Variants in NDUFC2 observed in about 807,000 individuals in gnomAD.
NDUFC2 encodes the protein NADH dehydrogenase [ubiquinone] 1 subunit C2.
In NDUFC2, 2 loss-of-function variants were observed where a neutral mutation model predicts 10.1. The observed-to-expected ratio is 0.20, with a 90% confidence interval of 0.08 to 0.62. The LOEUF (loss-of-function observed/expected upper bound fraction) is 0.62. Ranked by LOEUF, NDUFC2 falls within the 20% of genes least tolerant of loss-of-function variation. The pLI is 0.87. For missense variants in NDUFC2, 156 were observed against 159.6 expected (o/e 0.98, Z 0.12); for synonymous variants, 61 against 63.6 (o/e 0.96, Z 0.20).
intron 1 of NDUFC2, among the ~76,000 whole-genome samples, chr11:78,078,309 C>T (rs1200103334): frequency 6.6e-6 from 1 of 152,152 alleles, no homozygotes; most frequent in Non-Finnish European, 1.5e-5. Context: ...AAATAAATTG[C>T]CATGCTCTGC....
chr11:78,073,843 C>T (rs1457791726), intron 1 of NDUFC2, among the ~76,000 whole-genome samples: 1 of 149,634 alleles, frequency 6.7e-6, no homozygotes, highest in Non-Finnish European at 1.5e-5. Flanking sequence ...GAACAAACCG[C>T]CTTGATCCCT....
At chr11:78,070,273 C>T (rs1858946506) in intron 2 of NDUFC2, among the ~76,000 whole-genome samples, 2 of 152,178 alleles carry the variant, frequency 1.3e-5, no homozygotes, top group African/African-American at 4.8e-5. Flanking sequence ...GGGGGATCGG[C>T]TTAGGGGACC....
chr11:78,075,159 T>C (rs1459552555), intron 1 of NDUFC2, among the ~76,000 whole-genome samples: 1 of 152,192 alleles, frequency 6.6e-6, no homozygotes, highest in East Asian at 1.9e-4. Flanking sequence ...ATATTTAATT[T>C]TGTGGGCTAT....
chr11:78,074,000 T>C (rs961674451), intron 1 of NDUFC2, among the ~76,000 whole-genome samples: 2 of 151,488 alleles, frequency 1.3e-5, no homozygotes, highest in African/African-American at 4.8e-5. Flanking sequence ...GCTTCCCAAG[T>C]AGCTGGGACC....
intron 1 of NDUFC2, among the ~76,000 whole-genome samples, chr11:78,073,724 C>T (rs1226917778): frequency 6.8e-6 from 1 of 146,368 alleles, no homozygotes; most frequent in East Asian, 2.0e-4. Context: ...ATTGTTAGAA[C>T]CCGGGAGGCA....
intron 1 of NDUFC2, among the ~76,000 whole-genome samples, chr11:78,077,644 C>A (rs979210754): frequency 6.6e-6 from 1 of 152,086 alleles, no homozygotes; most frequent in African/African-American, 2.4e-5. Context: ...CAGCCTCAAC[C>A]TCCTGGGCTC....
rs796324845 is a variant in NDUFC2 at position 78,069,783 on chromosome 11, G to C, written c.*204C>G. ...TTCAACCTCATCTTAAAATCTTTCAGATGGGTGAATGGAAACTGACCATTC... is the reference window on the plus strand; with the variant it reads ...TTCAACCTCATCTTAAAATCTTTCACATGGGTGAATGGAAACTGACCATTC... On this transcript the variant is annotated 3_prime_UTR_variant, in exon 3 of 3. Coordinates refer to ENST00000281031, the MANE Select transcript of NDUFC2 (RefSeq NM_004549.6). 2 of 1,221,488 alleles carry C rather than the reference G, an allele frequency of 1.6e-6. No homozygotes were observed. Among genetic ancestry groups the C allele is most frequent in the African/African-American group, 3.1e-5 (2 of 65,344 alleles). 75.7% of individuals were successfully genotyped at this position (1,221,488 alleles called of 1,614,324 possible).
At chr11:78,074,348 C>G (rs1859152150) in intron 1 of NDUFC2, among the ~76,000 whole-genome samples, 2 of 152,054 alleles carry the variant, frequency 1.3e-5, no homozygotes, top group Non-Finnish European at 2.9e-5. Context: ...CGTGGTGGCT[C>G]ACAACTGTAA....
chr11:78,076,937 G>A (rs1367787526), intron 1 of NDUFC2, among the ~76,000 whole-genome samples: 1 of 152,120 alleles, frequency 6.6e-6, no homozygotes, highest in Non-Finnish European at 1.5e-5. Context: ...TCAGCAACAG[G>A]CTGTTTACCT....
chr11:78,072,979 TAAA>T lies in NDUFC2; in HGVS notation c.310+16_310+18del, dbSNP rs780762061. ...AATAATACAGTAAACACAGATTATC[TAAA>T]ATTAACTTGAAATACCTTCTTCAGG... On this transcript the variant is annotated intron_variant, in intron 2 of 2. Coordinates refer to ENST00000281031, the MANE Select transcript of NDUFC2 (RefSeq NM_004549.6). The T allele has an allele frequency of 3.1e-6, 5 of 1,606,896 alleles. No individual in the cohort carries two copies. The East Asian group carries it at 1.1e-4, about 36-fold the overall frequency.
At chr11:78,074,618 A>G (rs1859162704) in intron 1 of NDUFC2, among the ~76,000 whole-genome samples, 1 of 152,164 alleles carries the variant, frequency 6.6e-6, no homozygotes, top group African/African-American at 2.4e-5. Flanking sequence ...GTCTCAAAAA[A>G]AAAAACAAAA....
chr11:78,070,408 C>A (rs1858952765), intron 2 of NDUFC2, among the ~76,000 whole-genome samples: 1 of 152,114 alleles, frequency 6.6e-6, no homozygotes, highest in African/African-American at 2.4e-5. Flanking sequence ...TCCAGAATTG[C>A]AAGCAATAAA....
chr11:78,074,537 C>T (rs542752894), intron 1 of NDUFC2, among the ~76,000 whole-genome samples: 51 of 151,640 alleles, frequency 3.4e-4, no homozygotes, highest in African/African-American at 1.2e-3. Flanking sequence ...CGCTTGAAGC[C>T]AGGAGGTGGA....
Position 78,073,231 on chromosome 11 carries a change from C to A in NDUFC2, c.167-90G>T, listed in dbSNP as rs930059681. 2.3e-5 allele frequency: 37 copies of A among 1,586,018 alleles called. No homozygotes were observed. The Middle Eastern group carries it at 8.8e-4, about 38-fold the overall frequency. ...TTTTGGCTGGACGCAGTGGCTCACA[C>A]CTGTAATCCCAGCACTTTGGGAGGC... On this transcript the variant is annotated intron_variant, in intron 1 of 2. Coordinates refer to ENST00000281031, the MANE Select transcript of NDUFC2 (RefSeq NM_004549.6).
At position 78,079,720 on chromosome 11, in the gene NDUFC2, G is replaced by A; in HGVS notation, c.25C>T (p.Pro9Ser). Reference sequence around the variant, plus strand: ...GCCTCATCCGGCAGAAACCGTAAGGGTTCTGGGTTCCGCCGTGCGATCATG... The same window carrying A: ...GCCTCATCCGGCAGAAACCGTAAGGATTCTGGGTTCCGCCGTGCGATCATG... Reference protein sequence around the residue: MIARRNPEPLRFLPDEARS... With the variant: MIARRNPESLRFLPDEARS... The change falls in exon 1 of 3, where the codon CCC becomes TCC. Residue 9 changes from proline to serine, a missense_variant. Physicochemically the swap from Pro to Ser is moderately conservative, Grantham distance 74 (BLOSUM62 -1). Transcript: ENST00000281031. 1 of 1,608,968 alleles carries A rather than the reference G, an allele frequency of 6.2e-7. No homozygotes were observed. Among genetic ancestry groups the A allele is most frequent in the Non-Finnish European group, 8.5e-7 (1 of 1,178,134 alleles).
chr11:78,078,285 C>A (rs1859334352), intron 1 of NDUFC2, among the ~76,000 whole-genome samples: 1 of 152,212 alleles, frequency 6.6e-6, no homozygotes, highest in South Asian at 2.1e-4. Context: ...TTACAAAGTT[C>A]CTGACTGCCT....
At chr11:78,072,827 C>G in intron 2 of NDUFC2, 171 bp downstream of exon 2, 1 of 937,118 alleles carries the variant, frequency 1.1e-6, no homozygotes, top group South Asian at 1.8e-5. Flanking sequence ...CCAAAGGACA[C>G]GGAGGTAGTC....
intron 1 of NDUFC2, among the ~76,000 whole-genome samples, chr11:78,077,420 C>G (rs1403558156): frequency 6.6e-6 from 1 of 152,204 alleles, no homozygotes; most frequent in Non-Finnish European, 1.5e-5. Context: ...CCTACAGAAT[C>G]TCACTCAATT....
intron 1 of NDUFC2, among the ~76,000 whole-genome samples, chr11:78,077,642 A>G (rs1859308834): frequency 6.6e-6 from 1 of 151,794 alleles, no homozygotes. Context: ...TGCAGCCTCA[A>G]CCTCCTGGGC....
Sources: allele counts gnomAD v4.1 joint callset (sites outside exome capture counted in the v4.1 genomes callset), GRCh38; gene constraint gnomAD v4.1.1; transcripts MANE v1.5; gene names NCBI Gene and HGNC (gene_info 2026-07-23, HGNC 2026-07-21).